SPECC1L: variants seen among roughly 807,000 people sequenced by gnomAD.
SPECC1L encodes cytospin-A.
Under a neutral mutation model 116.8 loss-of-function variants are expected in SPECC1L, and 40 were observed. The ratio of observed to expected loss-of-function variants is 0.34; its 90% CI spans 0.27 to 0.45. The LOEUF is 0.45. SPECC1L is among the 20% of genes least tolerant of loss of function. The pLI, the probability that SPECC1L is intolerant of heterozygous loss-of-function variation, is 1.00. For missense variants in SPECC1L, 1,110 were observed against 1,373.6 expected (o/e 0.81, Z 3.03); for synonymous variants, 504 against 500.6 (o/e 1.01, Z -0.09).
intron 3 of SPECC1L, among the ~76,000 whole-genome samples, chr22:24,308,723 G>C (rs1007045764): frequency 6.6e-6 from 1 of 152,082 alleles, no homozygotes; most frequent in Non-Finnish European, 1.5e-5. Context: ...AAATCAGTTA[G>C]TATTGTGATT....
In SPECC1L at chr22:24,397,677, A is replaced by G. The variant is rs917226750; in HGVS notation, c.3088-13911A>G. 9.2e-5 allele frequency among the ~76,000 whole-genome samples: 14 copies of G among 152,158 alleles called. 1 individual carries two copies. Among genetic ancestry groups the G allele is most frequent in the Admixed American group, 5.2e-4 (8 of 15,260 alleles). Reference sequence around the variant, plus strand: ...AGTTTGGTAGCTTATCCTTTTTTATATAAGTTATATTTTTCAAATATTAGT... The same window carrying G: ...AGTTTGGTAGCTTATCCTTTTTTATGTAAGTTATATTTTTCAAATATTAGT... On this transcript the variant is annotated intron_variant, in intron 14 of 16. Coordinates refer to ENST00000314328, the MANE Select transcript of SPECC1L (RefSeq NM_015330.6).
intron 2 of SPECC1L, 85 bp downstream of exon 2, chr22:24,276,888 G>A (rs991578770): frequency 5.6e-6 from 2 of 355,262 alleles, no homozygotes; most frequent in African/African-American, 2.2e-5. Flanking sequence ...TCCTTATCAT[G>A]GTTTGGTTCT....
chr22:24,344,524 G>A lies in SPECC1L; in HGVS notation c.2653-2562G>A, dbSNP rs985925309. Among the ~76,000 whole-genome samples the A allele has an allele frequency of 4.0e-5, 6 of 149,212 alleles. No individual in the cohort carries two copies. In the South Asian group the frequency reaches 1.1e-3, roughly 26 times the overall value. On this transcript the variant is annotated intron_variant, in intron 10 of 16. Coordinates refer to ENST00000314328, the MANE Select transcript of SPECC1L (RefSeq NM_015330.6). Reference sequence around the variant, plus strand: ...CCACCAGGATCAGGAGCAAGGTAAGGATACCCACTGTCACCACTTTTGTTC... The same window carrying A: ...CCACCAGGATCAGGAGCAAGGTAAGAATACCCACTGTCACCACTTTTGTTC...
intron 1 of SPECC1L, among the ~76,000 whole-genome samples, chr22:24,274,162 A>ACC (rs2048786686): frequency 6.6e-6 from 1 of 152,232 alleles, no homozygotes; most frequent in Non-Finnish European, 1.5e-5. Flanking sequence ...GAGGTAAAGA[A>ACC]CCCCCATGGG....
intron 14 of SPECC1L, among the ~76,000 whole-genome samples, chr22:24,398,428 T>C (rs2042407914): frequency 6.6e-6 from 1 of 152,214 alleles, no homozygotes; most frequent in Non-Finnish European, 1.5e-5. Context: ...TCCATGGGAC[T>C]CTGAAACCTA....
chr22:24,275,849 C>T (rs2048826443), intron 1 of SPECC1L, among the ~76,000 whole-genome samples: 2 of 152,110 alleles, frequency 1.3e-5, no homozygotes, highest in Admixed American at 1.3e-4. Context: ...GCTGAGACTG[C>T]AGGCCCGCAC....
At chr22:24,294,757 C>T (rs2049226339) in intron 2 of SPECC1L, among the ~76,000 whole-genome samples, 1 of 152,092 alleles carries the variant, frequency 6.6e-6, no homozygotes, top group Admixed American at 6.6e-5. Context: ...CTTGGCTTGC[C>T]TGGACATGGA....
At chr22:24,310,688 A>G (rs1309470587) in intron 3 of SPECC1L, among the ~76,000 whole-genome samples, 1 of 151,462 alleles carries the variant, frequency 6.6e-6, no homozygotes, top group East Asian at 1.9e-4. Context: ...TTTCCCCTCA[A>G]TTTTAAAGCA....
At chr22:24,348,965 C>A (rs555471397) in intron 11 of SPECC1L, among the ~76,000 whole-genome samples, 1 of 152,272 alleles carries the variant, frequency 6.6e-6, no homozygotes, top group East Asian at 1.9e-4. Flanking sequence ...TTTTTGGTTT[C>A]CCTAATACCA....
chr22:24,359,923 CT>C (rs1441769663), intron 11 of SPECC1L, among the ~76,000 whole-genome samples: 1 of 152,172 alleles, frequency 6.6e-6, no homozygotes, highest in African/African-American at 2.4e-5. Flanking sequence ...CTTGTTTTTT[CT>C]TAGCATCCCT....
In SPECC1L at chr22:24,347,078, G is replaced by C. The variant is rs1449162706; in HGVS notation, c.2653-8G>C. 6.2e-7 allele frequency: 1 copy of C among 1,610,588 alleles called. No homozygotes were observed. The highest frequency in any genetic ancestry group is 1.7e-5 in the Admixed American group (1 of 60,008). ...TTAACTTTGATGTTGTTTATCTTATGATTTCAGAGACATTCCATAAGTGGA... is the reference window on the plus strand; with the variant it reads ...TTAACTTTGATGTTGTTTATCTTATCATTTCAGAGACATTCCATAAGTGGA... On this transcript the variant is annotated splice_region_variant and splice_polypyrimidine_tract_variant and intron_variant, in intron 10 of 16. Transcript: ENST00000314328.
chr22:24,387,351 A>G (rs903689711), intron 14 of SPECC1L, among the ~76,000 whole-genome samples: 1 of 152,202 alleles, frequency 6.6e-6, no homozygotes, highest in Non-Finnish European at 1.5e-5. Context: ...CAGTGGTGAG[A>G]TTAATCTATT....
In SPECC1L at chr22:24,322,091, T is replaced by C. The variant is rs1323782332; in HGVS notation, c.1111T>C (p.Ser371Pro). ...GCTGGATGCACCATCCTCCTCAGAGTCGGAAGGCATCCCCAGCATAGAGCG... is the reference window on the plus strand; with the variant it reads ...GCTGGATGCACCATCCTCCTCAGAGCCGGAAGGCATCCCCAGCATAGAGCG... ...DALDAPSSSE[S>P]EGIPSIERSR... is the part of the protein sequence containing the mutation. Residue 371 changes from serine to proline, a missense_variant, in exon 5 of 17, where the codon TCG (serine) becomes CCG (proline). Coordinates refer to ENST00000314328, the MANE Select transcript of SPECC1L (RefSeq NM_015330.6). The C allele has an allele frequency of 1.2e-6, 2 of 1,613,772 alleles. No homozygotes were observed. Among genetic ancestry groups the C allele is most frequent in the East Asian group, 2.2e-5 (1 of 44,876 alleles).
intron 1 of SPECC1L, among the ~76,000 whole-genome samples, chr22:24,272,628 C>G (rs2048751462): frequency 6.7e-6 from 1 of 150,318 alleles, no homozygotes. Flanking sequence ...GGTCTCGCCA[C>G]TGCACTCCAG....
chr22:24,351,346 A>G (rs1339434837), intron 11 of SPECC1L, among the ~76,000 whole-genome samples: 2 of 152,196 alleles, frequency 1.3e-5, no homozygotes, highest in Non-Finnish European at 2.9e-5. Context: ...TATTTCTGTT[A>G]CCTTGGCTTT....
chr22:24,352,587 G>GT (rs1183414073), intron 11 of SPECC1L, among the ~76,000 whole-genome samples: 1 of 152,132 alleles, frequency 6.6e-6, no homozygotes, highest in Admixed American at 6.5e-5. Context: ...AAGTTAGGAG[G>GT]TTTTACTGGA....
Position 24,338,471 on chromosome 22 carries a change from T to A in SPECC1L, c.2646T>A (p.Pro882=), listed in dbSNP as rs200550636. The A allele has an allele frequency of 1.9e-6, 3 of 1,614,032 alleles. No homozygotes were observed. The highest frequency in any genetic ancestry group is 2.5e-6 in the Non-Finnish European group (3 of 1,179,916). ...MKTPPAAAVS[P]MQRHSISGPI... ...CCCCTCCTGCAGCAGCTGTGTCCCC[T>A]ATGCAGGTGAGTGCCTGGAACCACA... Residue 882 remains proline (P), a synonymous_variant, in exon 10 of 17, where the codon CCT becomes CCA. Transcript: ENST00000314328.
rs1216206286 is a variant in SPECC1L, at chr22:24,417,416, C to G, written c.*2793C>G. 1 of 152,328 alleles carries G rather than the reference C, an allele frequency of 6.6e-6. No individual in the cohort carries two copies. The highest frequency in any genetic ancestry group is 1.5e-5 in the Non-Finnish European group (1 of 68,062). 9.4% of individuals were successfully genotyped at this position (152,328 alleles called of 1,614,324 possible). A position where few individuals can be genotyped will look rare whatever the true frequency, so the allele number is the denominator to read the frequency against. ...ACTTCCTCATGTGGGCAGATCCTGA[C>G]CAGGAGTCCAGGGTGGCCTCCCCTG... is the stretch of plus-strand genomic sequence containing the variant. On this transcript the variant is annotated 3_prime_UTR_variant, in exon 17 of 17. Coordinates refer to ENST00000314328, the MANE Select transcript of SPECC1L (RefSeq NM_015330.6).
intron 14 of SPECC1L, among the ~76,000 whole-genome samples, chr22:24,385,454 G>A (rs781729576): frequency 2.0e-5 from 3 of 152,176 alleles, no homozygotes; most frequent in South Asian, 4.1e-4. Flanking sequence ...CATGATTTGT[G>A]TATAAGAGAC....
Sources: allele counts gnomAD v4.1 joint callset (sites outside exome capture counted in the v4.1 genomes callset), GRCh38; gene constraint gnomAD v4.1.1; transcripts MANE v1.5; gene names NCBI Gene and HGNC (gene_info 2026-07-23, HGNC 2026-07-21).